MAP3K19: variants seen among roughly 807,000 people sequenced by gnomAD.
The protein encoded by MAP3K19 is SPS1/STE20-related protein kinase YSK4.
MAP3K19 carries 91 observed loss-of-function variants against 114.4 expected under a neutral mutation model. The ratio of observed to expected loss-of-function variants is 0.80; its 90% CI spans 0.67 to 0.95. MAP3K19 has a LOEUF of 0.95. Among genes scored for constraint, MAP3K19 ranks in the 40% least tolerant of loss-of-function variants. The pLI, the probability that MAP3K19 is intolerant of heterozygous loss-of-function variation, is 0.00. For missense variants in MAP3K19, 1,471 were observed against 1,573.2 expected, an observed-to-expected ratio of 0.94 and a Z score of 1.10; for synonymous variants, 518 against 530.5, an observed-to-expected ratio of 0.98 and a Z score of 0.32.
intron 6 of MAP3K19, among the ~76,000 whole-genome samples, chr2:135,002,850 TG>T (rs1686543046): frequency 6.6e-6 from 1 of 152,180 alleles, no homozygotes; most frequent in Non-Finnish European, 1.5e-5. Flanking sequence ...AATGCAGTTA[TG>T]GGAATCCTTC....
At chr2:135,032,539 A>G (rs1052058309) in intron 2 of MAP3K19, among the ~76,000 whole-genome samples, 1 of 151,748 alleles carries the variant, frequency 6.6e-6, no homozygotes, top group Non-Finnish European at 1.5e-5. Context: ...AAAGATGAAA[A>G]GAACCATTTT....
chr2:135,044,433 A>G (rs1178093219), intron 1 of MAP3K19, among the ~76,000 whole-genome samples: 1 of 152,190 alleles, frequency 6.6e-6, no homozygotes, highest in Non-Finnish European at 1.5e-5. Flanking sequence ...TGTACTAAAA[A>G]TACAAAATTA....
rs777421257 is a variant in MAP3K19, at chr2:134,980,919, G to A, written c.3822C>T (p.Ala1274=). The A allele has an allele frequency of 5.0e-6, 8 of 1,614,048 alleles. No individual in the cohort carries two copies. Among genetic ancestry groups the A allele is most frequent in the South Asian group, 3.3e-5 (3 of 91,088 alleles). ...KPPLASMDRM[A]AMFYIGAHRG... ...GGTGTGCTCCGATGTAAAACATGGC[G>A]GCCATCCTGTCCATGGAAGCCAGTG... The change falls in exon 12 of 13, where the codon GCC becomes GCT. Residue 1274 remains alanine (A), a synonymous_variant. Coordinates refer to ENST00000392915, the MANE Select transcript of MAP3K19 (RefSeq NM_025052.5).
chr2:134,984,681 C>T (rs893291301), intron 10 of MAP3K19, among the ~76,000 whole-genome samples: 7 of 152,084 alleles, frequency 4.6e-5, no homozygotes, highest in East Asian at 1.9e-4. Context: ...GGCTGGGCGC[C>T]GTGGCTCACG....
chr2:134,981,861 T>A (rs1684678382), intron 11 of MAP3K19, among the ~76,000 whole-genome samples: 1 of 151,630 alleles, frequency 6.6e-6, no homozygotes, highest in South Asian at 2.1e-4. Flanking sequence ...TAACAATACT[T>A]GCCTCAGAGA....
intron 5 of MAP3K19, among the ~76,000 whole-genome samples, chr2:135,017,777 C>A (rs1201890928): frequency 6.6e-6 from 1 of 152,174 alleles, no homozygotes; most frequent in African/African-American, 2.4e-5. Flanking sequence ...GCTGCAAAAT[C>A]ATTTCTCACT....
At chr2:135,007,526 T>C (rs1409951771) in intron 5 of MAP3K19, among the ~76,000 whole-genome samples, 1 of 152,176 alleles carries the variant, frequency 6.6e-6, no homozygotes, top group Non-Finnish European at 1.5e-5. Context: ...CTCTTTCTTT[T>C]CCTTTTTTTT....
At position 134,983,698 on chromosome 2, in the gene MAP3K19, A is replaced by C. The variant is rs550799587; in HGVS notation, c.3200T>G (p.Leu1067Arg). The C allele has an allele frequency of 1.0e-4, 158 of 1,575,166 alleles. 3 individuals carry two copies. The South Asian group carries it at 1.6e-3, about 16-fold the overall frequency. The change falls in exon 11 of 13, where the codon CTT (leucine) becomes CGT (arginine). Residue 1067 changes from leucine to arginine, a missense_variant. By Grantham distance (102) the Leu-to-Arg change is moderately radical. Coordinates refer to ENST00000392915, the MANE Select transcript of MAP3K19 (RefSeq NM_025052.5). ...TACTGTGCCGTAGGCTCCCTTTCCA[A>C]GAATCTCACCCTTGGTCCATAGGAT... ...EPILWTKGEI[L>R]GKGAYGTVYC...
In MAP3K19 at chr2:135,028,282, ATGGTGGCT is replaced by A. The variant is rs1008044846; in HGVS notation, c.-95+2022_-95+2029del. Among the ~76,000 whole-genome samples the A allele has an allele frequency of 2.6e-5, 4 of 152,200 alleles. No homozygotes were observed. The East Asian group carries it at 5.8e-4, about 22-fold the overall frequency. On this transcript the variant is annotated intron_variant, in intron 3 of 12. Coordinates refer to ENST00000392915, the MANE Select transcript of MAP3K19 (RefSeq NM_025052.5). ...TAATAATACAGCAGCTCAGCCGGGCATGGTGGCTCACACCTGTAATCCCAGCACTTTAG... is the reference window on the plus strand; with the variant it reads ...TAATAATACAGCAGCTCAGCCGGGCACACACCTGTAATCCCAGCACTTTAG...
chr2:134,983,168 G>A (rs2105208634), intron 11 of MAP3K19: 1 of 531,776 alleles, frequency 1.9e-6, no homozygotes, highest in South Asian at 1.4e-5. Context: ...CTGACTGTAT[G>A]TTTGTACCCA....
chr2:134,973,430 T>C (rs1684010128), intron 12 of MAP3K19, among the ~76,000 whole-genome samples: 1 of 152,238 alleles, frequency 6.6e-6, no homozygotes, highest in Non-Finnish European at 1.5e-5. Flanking sequence ...GATATGAATA[T>C]AGCTACTCAT....
rs1479722110 is a variant in MAP3K19 at position 135,026,049 on chromosome 2, T to C, written c.-94-1308A>G. Among the ~76,000 whole-genome samples the C allele has an allele frequency of 3.3e-5, 5 of 152,188 alleles. No individual in the cohort carries two copies. The South Asian group carries it at 6.2e-4, about 19-fold the overall frequency. On this transcript the variant is annotated intron_variant, in intron 3 of 12. Coordinates refer to ENST00000392915, the MANE Select transcript of MAP3K19 (RefSeq NM_025052.5). ...AATGTGTCATGAGCCACAGTAATATTCTCTTATGGACTTTTCTTCATCAAA... is the reference window on the plus strand; with the variant it reads ...AATGTGTCATGAGCCACAGTAATATCCTCTTATGGACTTTTCTTCATCAAA...
intron 10 of MAP3K19, among the ~76,000 whole-genome samples, chr2:134,984,900 C>T (rs1221980153): frequency 6.6e-6 from 1 of 152,104 alleles, no homozygotes; most frequent in Non-Finnish European, 1.5e-5. Context: ...TGCAGCAAGC[C>T]GAGATCGCAG....
intron 3 of MAP3K19, among the ~76,000 whole-genome samples, chr2:135,027,471 T>G: frequency 6.6e-6 from 1 of 152,130 alleles, no homozygotes; most frequent in African/African-American, 2.4e-5. Context: ...GGTTTACATG[T>G]GATTTCTGTA....
At position 135,024,630 on chromosome 2, in the gene MAP3K19, T is replaced by A. The variant is rs752137407; in HGVS notation, c.18A>T (p.Lys6Asn). 3.7e-6 allele frequency: 6 copies of A among 1,613,380 alleles called. No individual in the cohort carries two copies. In the Admixed American group the frequency reaches 1.0e-4, roughly 27 times the overall value. The change falls in exon 4 of 13, where the codon AAA (lysine) becomes AAT (asparagine). Residue 6 changes from lysine (K) to asparagine (N), a missense_variant. Physicochemically the swap from Lys to Asn is moderately conservative, Grantham distance 94 (BLOSUM62 0). Transcript: ENST00000392915. MSSMPKPERHAESLLD... is the reference protein window; with the variant it reads MSSMPNPERHAESLLD... ...ATGTGGAGTGAAAGTATTTACCTGG[T>A]TTTGGCATAGAACTCATTAAAATGT...
chr2:135,037,217 C>G (rs1372390326), intron 2 of MAP3K19, among the ~76,000 whole-genome samples: 1 of 152,186 alleles, frequency 6.6e-6, no homozygotes, highest in Non-Finnish European at 1.5e-5. Context: ...AGGTTGGTCT[C>G]AAACTCCTGA....
intron 5 of MAP3K19, 82 bp from the exon 6 acceptor site, chr2:135,005,613 G>T: frequency 9.7e-7 from 1 of 1,034,504 alleles, no homozygotes; most frequent in Non-Finnish European, 1.5e-6. Flanking sequence ...TGATTTTTCT[G>T]GGCTAAAGAT....
chr2:135,025,086 A>T (rs1396277329), intron 3 of MAP3K19, among the ~76,000 whole-genome samples: 2 of 152,100 alleles, frequency 1.3e-5, no homozygotes, highest in African/African-American at 4.8e-5. Flanking sequence ...ATATTTTTAA[A>T]TTTTTTTCAA....
chr2:135,030,430 T>C lies in MAP3K19; in HGVS notation c.-213A>G, dbSNP rs1688353322. 6.6e-6 allele frequency: 1 copy of C among 152,640 alleles called. No homozygotes were observed. Among genetic ancestry groups the C allele is most frequent in the Non-Finnish European group, 1.5e-5 (1 of 68,036 alleles). The allele number at this position is 152,640 out of a possible 1,614,324, so 9.5% of individuals were successfully genotyped here. A position where few individuals can be genotyped will look rare whatever the true frequency, so the allele number is the denominator to read the frequency against. ...TCTTTGGATATTGCAATTAGCTACA[T>C]GAATTGCGGTTCGATTGCTGTAATT... On this transcript the variant is annotated 5_prime_UTR_variant, in exon 3 of 13. An upstream start codon of the reference 5' UTR is lost. Coordinates refer to ENST00000392915, the MANE Select transcript of MAP3K19 (RefSeq NM_025052.5).
Sources: gnomAD v4.1 joint callset for allele counts (sites outside exome capture counted in the v4.1 genomes callset) on GRCh38, gnomAD v4.1.1 for gene constraint, MANE v1.5 for transcripts, NCBI Gene and HGNC (gene_info 2026-07-23, HGNC 2026-07-21) for gene names.